SH3TC1: variants seen among roughly 807,000 people sequenced by gnomAD.
SH3TC1 encodes SH3 domain and tetratricopeptide repeats 1, also known as SH3 domain and tetratricopeptide repeat-containing protein 1.
Under a neutral mutation model 117.3 loss-of-function variants are expected in SH3TC1, and 135 were observed. The ratio of observed to expected loss-of-function variants is 1.15; its 90% CI spans 1.00 to 1.33. SH3TC1 has a LOEUF of 1.33. Ranked by LOEUF, SH3TC1 falls within the 40% of genes most tolerant of loss-of-function variation. The pLI is 0.00. For missense variants in SH3TC1, 2,092 were observed against 1,794.3 expected, an observed-to-expected ratio of 1.17 and a Z score of -3.00; for synonymous variants, 898 against 816.9, an observed-to-expected ratio of 1.10 and a Z score of -1.69.
Position 8,192,571 on chromosome 4 carries a change from G to A in SH3TC1, c.-57+10361G>A, listed in dbSNP as rs1163589562. 2.6e-5 allele frequency among the ~76,000 whole-genome samples: 4 copies of A among 151,660 alleles called. No homozygotes were observed. The highest frequency in any genetic ancestry group is 9.7e-5 in the African/African-American group (4 of 41,216). On this transcript the variant is annotated intron_variant, in intron 1 of 16. Transcript: ENST00000508641. The surrounding 1 kb of genome is among the most constrained non-coding windows in gnomAD (Gnocchi z 4.1). ...TGCCGTGGCATGATCTCAGCTCACTGCAACCTCTGCCTACTGGGTTCAAGC... is the reference window on the plus strand; with the variant it reads ...TGCCGTGGCATGATCTCAGCTCACTACAACCTCTGCCTACTGGGTTCAAGC...
rs1459089093 is a variant in SH3TC1 at position 8,187,707 on chromosome 4, G to A, written c.-57+5497G>A. Among the ~76,000 whole-genome samples the A allele has an allele frequency of 6.6e-5, 10 of 151,910 alleles. No individual in the cohort carries two copies. The East Asian group carries it at 1.7e-3, about 26-fold the overall frequency. On this transcript the variant is annotated intron_variant, in intron 1 of 16. Coordinates refer to the SH3TC1 transcript ENST00000508641. ...GCTGGGATTACAGGCACGTGCCACC[G>A]CGCCCATCTAATTTTTGTATTTTTA...
rs754077279 is a variant in SH3TC1 at position 8,212,699 on chromosome 4, A to C, written c.248-2A>C. On this transcript the variant is annotated splice_acceptor_variant, in intron 3 of 17. Coordinates refer to ENST00000245105, the MANE Select transcript of SH3TC1 (RefSeq NM_018986.5). LOFTEE classifies it high-confidence loss of function. ...CTGCCCAACCTCCGTCTGCCCCTCC[A>C]GACCTGACCCTGCAGCTGCTGGCTG... 4.3e-6 allele frequency: 7 copies of C among 1,612,914 alleles called. No homozygotes were observed. The highest frequency in any genetic ancestry group is 5.9e-6 in the Non-Finnish European group (7 of 1,179,942).
intron 1 of SH3TC1, among the ~76,000 whole-genome samples, chr4:8,199,647 C>G (rs1405809706): frequency 1.3e-5 from 2 of 152,198 alleles, no homozygotes; most frequent in Non-Finnish European, 2.9e-5. Context: ...ATGATTTCAG[C>G]TTTGACCAAG....
chr4:8,232,264 GATC>G (rs1721305699), intron 13 of SH3TC1, 108 bp downstream of exon 13: 5 of 1,451,040 alleles, frequency 3.4e-6, no homozygotes, highest in Non-Finnish European at 4.6e-6. Context: ...CTCTCCTTGG[GATC>G]ATTTGGTTCC....
intron 12 of SH3TC1, 186 bp from the exon 13 acceptor site, chr4:8,231,790 C>A (rs1016621773): frequency 3.1e-6 from 2 of 637,830 alleles, no homozygotes; most frequent in Non-Finnish European, 5.3e-6. Flanking sequence ...TAAAGAAGGC[C>A]GGCCTCTACC....
At chr4:8,237,693 C>G (rs1398575561) in intron 17 of SH3TC1, 23 bp downstream of exon 17, 1 of 1,575,080 alleles carries the variant, frequency 6.3e-7, no homozygotes, top group Non-Finnish European at 8.6e-7. Context: ...GGGCTGGGCT[C>G]AGGGTGTTCC....
At position 8,225,335 on chromosome 4, in the gene SH3TC1, G is replaced by T; in HGVS notation, c.1285+119G>T. 1 of 1,173,612 alleles carries T rather than the reference G, an allele frequency of 8.5e-7. No individual in the cohort carries two copies. Among genetic ancestry groups the T allele is most frequent in the Non-Finnish European group, 1.2e-6 (1 of 815,800 alleles). The allele number at this position is 1,173,612 out of a possible 1,614,324, so 72.7% of individuals were successfully genotyped here. A position where few individuals can be genotyped will look rare whatever the true frequency, so the allele number is the denominator to read the frequency against. The stretch of plus-strand genomic sequence containing the variant: ...TGGGTGCGGCTGTCACCCCTCTGTG[G>T]TGTGGGCTGGGGGCTTGGGGGAGGT... On this transcript the variant is annotated intron_variant, in intron 11 of 17. Coordinates refer to ENST00000245105, the MANE Select transcript of SH3TC1 (RefSeq NM_018986.5). The surrounding 1 kb of genome is among the most constrained non-coding windows in gnomAD (Gnocchi z 5.5).
At chr4:8,202,726 C>G (rs1025143545) in intron 1 of SH3TC1, among the ~76,000 whole-genome samples, 3 of 152,190 alleles carry the variant, frequency 2.0e-5, no homozygotes, top group Non-Finnish European at 4.4e-5. Flanking sequence ...TGAGCATCCC[C>G]AGGGAGCCTT....
chr4:8,227,820 G>C lies in SH3TC1; in HGVS notation c.2126G>C (p.Cys709Ser), dbSNP rs1720665036. The C allele has an allele frequency of 6.2e-7, 1 of 1,612,808 alleles. No homozygotes were observed. Among genetic ancestry groups the C allele is most frequent in the Non-Finnish European group, 8.5e-7 (1 of 1,179,976 alleles). Residue 709 changes from cysteine to serine, a missense_variant, in exon 12 of 18, where the codon TGC becomes TCC. Transcript: ENST00000245105. ...GAPEAAWLSD[C>S]YLLLADIYSR... is the part of the protein sequence containing the mutation. ...CCAGAGGCCGCGTGGCTCTCAGACT[G>C]CTACCTACTCCTGGCTGACATCTAC...
chr4:8,192,363 A>G lies in SH3TC1; in HGVS notation c.-57+10153A>G, dbSNP rs1717442865. Among the ~76,000 whole-genome samples, 1 of 151,954 alleles carries G rather than the reference A, an allele frequency of 6.6e-6. No homozygotes were observed. The highest frequency in any genetic ancestry group is 1.5e-5 in the Non-Finnish European group (1 of 67,984). On this transcript the variant is annotated intron_variant, in intron 1 of 16. Transcript: ENST00000508641. The surrounding 1 kb of genome is among the most constrained non-coding windows in gnomAD (Gnocchi z 4.1). ...ACTCTCCTTCCTGTGACCTTGGGTA[A>G]AGGTCATTTTCGCCCTGCCCCTCAG...
rs200950305 is a variant in SH3TC1 at position 8,233,400 on chromosome 4, C to G, written c.3169C>G (p.Leu1057Val). ...KSALDYTKRS[L>V]GIFIDLQKKE... ...CGCACTGGACTACACCAAACGAAGT[C>G]TGGGGATTTTCATTGACCTCCAGAA... The change falls in exon 14 of 18, where the codon CTG becomes GTG. Residue 1057 changes from leucine to valine, a missense_variant. Coordinates refer to ENST00000245105, the MANE Select transcript of SH3TC1 (RefSeq NM_018986.5). 1.6e-4 allele frequency: 251 copies of G among 1,613,658 alleles called. No individual in the cohort carries two copies. The highest frequency in any genetic ancestry group is 1.9e-4 in the Non-Finnish European group (230 of 1,179,850).
chr4:8,232,304 G>T, intron 13 of SH3TC1, 148 bp downstream of exon 13: 1 of 1,471,356 alleles, frequency 6.8e-7, no homozygotes, highest in Non-Finnish European at 9.2e-7. Context: ...TGAGCTGGGG[G>T]GCCTGGGGTT....
chr4:8,219,769 C>A (rs1441725806), intron 9 of SH3TC1, among the ~76,000 whole-genome samples: 2 of 152,216 alleles, frequency 1.3e-5, no homozygotes, highest in African/African-American at 2.4e-5. Flanking sequence ...CACACCTGCC[C>A]ATGTGCATCA....
At chr4:8,237,390 G>C in intron 16 of SH3TC1, 84 bp from the exon 17 acceptor site, 2 of 1,229,508 alleles carry the variant, frequency 1.6e-6, no homozygotes, top group East Asian at 5.6e-5. Flanking sequence ...GCAGTGCCTG[G>C]AGGCGAGCCA....
At chr4:8,223,078 A>G (rs1720102660) in intron 10 of SH3TC1, 108 bp downstream of exon 10, 2 of 1,439,854 alleles carry the variant, frequency 1.4e-6, no homozygotes, top group Admixed American at 4.6e-5. Flanking sequence ...GGATGCTGAA[A>G]GGTGAACAGA....
At chr4:8,212,286 C>G (rs369297225) in intron 3 of SH3TC1, among the ~76,000 whole-genome samples, 33 of 152,134 alleles carry the variant, frequency 2.2e-4, no homozygotes, top group African/African-American at 7.5e-4. Flanking sequence ...GAGGAGCTTG[C>G]TAAGTGCGGC....
intron 12 of SH3TC1, among the ~76,000 whole-genome samples, chr4:8,230,336 A>C (rs1228347658): frequency 6.6e-6 from 1 of 152,074 alleles, no homozygotes; most frequent in African/African-American, 2.4e-5. Flanking sequence ...GGGTCTCGTC[A>C]TGTTCCCCCA....
In SH3TC1 at chr4:8,190,290, G is replaced by A. The variant is rs1411873163; in HGVS notation, c.-57+8080G>A. 6.6e-6 allele frequency among the ~76,000 whole-genome samples: 1 copy of A among 152,152 alleles called. No homozygotes were observed. Among genetic ancestry groups the A allele is most frequent in the South Asian group, 2.1e-4 (1 of 4,820 alleles). The stretch of plus-strand genomic sequence containing the variant: ...CCAGCTGGGAGGACTTCACTCCTTC[G>A]GCGGAGTTGGGGGACTGTGTGCTTG... On this transcript the variant is annotated intron_variant, in intron 1 of 16. Transcript: ENST00000508641. This position sits in a 1 kb window ranked among gnomAD's most constrained non-coding sequence, Gnocchi z 4.7.
chr4:8,232,587 T>G, intron 13 of SH3TC1: 1 of 1,354,254 alleles, frequency 7.4e-7, no homozygotes, highest in Non-Finnish European at 9.8e-7. Context: ...GAGCCAGTTG[T>G]GTCACCTGCT....
Sources: gnomAD v4.1 joint callset for allele counts (sites outside exome capture counted in the v4.1 genomes callset) on GRCh38, gnomAD v4.1.1 for gene constraint, Gnocchi (gnomAD v3.1) non-coding constraint, MANE v1.5 for transcripts, NCBI Gene and HGNC (gene_info 2026-07-23, HGNC 2026-07-21) for gene names.